Variants in ABTB2 observed in about 807,000 individuals in gnomAD.
ABTB2 encodes the protein ankyrin repeat and BTB domain containing 2, also known as ankyrin repeat and BTB/POZ domain-containing protein 2.
A neutral mutation model predicts 104.1 loss-of-function variants in ABTB2; 56 were observed. The ratio of observed to expected loss-of-function variants is 0.54; its 90% CI spans 0.43 to 0.67. The LOEUF is 0.67. ABTB2 is among the 30% of genes least tolerant of loss of function. The probability of loss-of-function intolerance (pLI) is 0.00; values close to 1 mark genes in which losing one functional copy is unlikely to be tolerated. For missense variants in ABTB2, 1,279 were observed against 1,407.7 expected, an observed-to-expected ratio of 0.91 and a Z score of 1.46; for synonymous variants, 606 against 608.2, an observed-to-expected ratio of 1.00 and a Z score of 0.05.
At chr11:34,174,408 G>T (rs946203405) in intron 3 of ABTB2, among the ~76,000 whole-genome samples, 1 of 152,116 alleles carries the variant, frequency 6.6e-6, no homozygotes, top group African/African-American at 2.4e-5. Context: ...TAGCGGGTCC[G>T]AGTATCACTA....
chr11:34,253,691 A>T (rs537081896), intron 1 of ABTB2, among the ~76,000 whole-genome samples: 113 of 117,794 alleles, frequency 9.6e-4, no homozygotes, highest in South Asian at 6.0e-3. Context: ...AAAAAAAAAA[A>T]TTTTTTTTTC....
chr11:34,294,720 T>A lies in ABTB2; in HGVS notation c.883+61981A>T, dbSNP rs1223780050. 6.4e-3 allele frequency among the ~76,000 whole-genome samples: 834 copies of A among 129,650 alleles called. 12 individuals carry two copies. The highest frequency in any genetic ancestry group is 0.033 in the African/African-American group (752 of 23,104). 85.1% of individuals were successfully genotyped at this position (129,650 alleles called of 152,430 possible). ...GCCCTCGTGTCTCTACAAAAACAATTTTTTTTTTTTTTTGAGACCGAGTCT... is the reference window on the plus strand; with the variant it reads ...GCCCTCGTGTCTCTACAAAAACAATATTTTTTTTTTTTTGAGACCGAGTCT... On this transcript the variant is annotated intron_variant, in intron 1 of 16. Transcript: ENST00000435224.
chr11:34,287,749 T>G (rs934691053), intron 1 of ABTB2, among the ~76,000 whole-genome samples: 1 of 152,210 alleles, frequency 6.6e-6, no homozygotes, highest in African/African-American at 2.4e-5. Context: ...CTATTTTACC[T>G]TGGAGAGGCC....
At chr11:34,272,722 A>AAAAAC (rs1565156096) in intron 1 of ABTB2, among the ~76,000 whole-genome samples, 2 of 150,310 alleles carry the variant, frequency 1.3e-5, no homozygotes, top group African/African-American at 4.9e-5. Flanking sequence ...AAAAAAAAAA[A>AAAAAC]AAAAAAAAAC....
chr11:34,329,847 T>C (rs1284130628), intron 1 of ABTB2, among the ~76,000 whole-genome samples: 1 of 152,262 alleles, frequency 6.6e-6, no homozygotes, highest in Non-Finnish European at 1.5e-5. Flanking sequence ...ACTGTGTCTG[T>C]AGCCTGCAGA....
intron 2 of ABTB2, among the ~76,000 whole-genome samples, chr11:34,204,302 G>A (rs1853378882): frequency 6.6e-6 from 1 of 152,196 alleles, no homozygotes; most frequent in African/African-American, 2.4e-5. Context: ...GGTCACTGCT[G>A]TGCAGGAATG....
At chr11:34,231,959 T>C (rs997892465) in intron 1 of ABTB2, among the ~76,000 whole-genome samples, 15 of 152,144 alleles carry the variant, frequency 9.9e-5, no homozygotes, top group African/African-American at 3.4e-4. Context: ...AAGAAAGTCT[T>C]GTCACAGCCA....
intron 1 of ABTB2, among the ~76,000 whole-genome samples, chr11:34,325,152 A>G (rs1172508191): frequency 6.6e-6 from 1 of 152,156 alleles, no homozygotes; most frequent in Non-Finnish European, 1.5e-5. Flanking sequence ...GAGCTCTGAT[A>G]TTATGTGCAT....
chr11:34,297,778 A>AT (rs1564926708), intron 1 of ABTB2, among the ~76,000 whole-genome samples: 9 of 82,550 alleles, frequency 1.1e-4, no homozygotes, highest in African/African-American at 1.8e-4. Context: ...AAAAAAAAAA[A>AT]AAAAAATAAA....
intron 1 of ABTB2, among the ~76,000 whole-genome samples, chr11:34,272,716 A>C (rs1170161183): frequency 6.7e-6 from 1 of 149,510 alleles, no homozygotes. Flanking sequence ...CAAAAAAAAA[A>C]AAAAAAAAAA....
intron 1 of ABTB2, among the ~76,000 whole-genome samples, chr11:34,320,164 C>A (rs1854983808): frequency 6.6e-6 from 1 of 152,216 alleles, no homozygotes; most frequent in Non-Finnish European, 1.5e-5. Context: ...TTATTCTTAA[C>A]ACACAGCTCA....
chr11:34,279,809 A>G (rs1332464938), intron 1 of ABTB2, among the ~76,000 whole-genome samples: 2 of 109,404 alleles, frequency 1.8e-5, no homozygotes, highest in African/African-American at 3.8e-5. Flanking sequence ...TTTTTTTGAG[A>G]TGGAGTTTTG....
chr11:34,226,420 A>G (rs982345426), intron 1 of ABTB2, among the ~76,000 whole-genome samples: 1 of 152,146 alleles, frequency 6.6e-6, no homozygotes, highest in Admixed American at 6.5e-5. Flanking sequence ...TGCCTCCTTA[A>G]GGAGCAATGA....
rs776957139 is a variant in ABTB2 at position 34,173,143 on chromosome 11, C to T, written c.1397+12G>A. On this transcript the variant is annotated intron_variant, in intron 4 of 16. Transcript: ENST00000435224. ...ATGGATGCCGGGGCCCTCCCTCCTC[C>T]CTGGTTCATACTTGAGCTGCCGAGG... The T allele has an allele frequency of 1.2e-6, 2 of 1,613,660 alleles. No individual in the cohort carries two copies. The highest frequency in any genetic ancestry group is 1.7e-6 in the Non-Finnish European group (2 of 1,179,916).
intron 1 of ABTB2, among the ~76,000 whole-genome samples, chr11:34,246,754 C>A (rs1406070407): frequency 1.3e-5 from 2 of 151,768 alleles, no homozygotes; most frequent in Non-Finnish European, 2.9e-5. Context: ...AAAGTTCATA[C>A]CTACACAAAT....
At chr11:34,155,716 CAGG>C (rs1335053293) in intron 14 of ABTB2, among the ~76,000 whole-genome samples, 1 of 152,130 alleles carries the variant, frequency 6.6e-6, no homozygotes, top group African/African-American at 2.4e-5. Context: ...GTTCAGGCAT[CAGG>C]AGATGTTGGC....
rs1436434905 is a variant in ABTB2, at chr11:34,151,059, T to TTAAAG, written c.*1323_*1327dup. 2.8e-4 allele frequency: 43 copies of TTAAAG among 152,836 alleles called. No homozygotes were observed. The highest frequency in any genetic ancestry group is 1.0e-3 in the African/African-American group (42 of 41,598). The allele number at this position is 152,836 out of a possible 1,614,324, so 9.5% of individuals were successfully genotyped here. ...AGTAAGTGACAACATTATTGTACAG[T>TTAAAG]TAAAGTATCATACAATATTACAGCA... On this transcript the variant is annotated 3_prime_UTR_variant, in exon 17 of 17. Coordinates refer to ENST00000435224, the MANE Select transcript of ABTB2 (RefSeq NM_145804.3).
At chr11:34,177,077 A>G (rs957261793) in intron 3 of ABTB2, among the ~76,000 whole-genome samples, 1 of 152,218 alleles carries the variant, frequency 6.6e-6, no homozygotes, top group Non-Finnish European at 1.5e-5. Context: ...AAGTGTAAAC[A>G]AAAAGATAAT....
At chr11:34,218,247 T>A (rs1201741245) in intron 1 of ABTB2, among the ~76,000 whole-genome samples, 1 of 152,212 alleles carries the variant, frequency 6.6e-6, no homozygotes. Flanking sequence ...GTGGCTTGTC[T>A]TTTCACTCTC....
Sources: gnomAD v4.1 joint callset for allele counts (sites outside exome capture counted in the v4.1 genomes callset) on GRCh38, gnomAD v4.1.1 for gene constraint, MANE v1.5 for transcripts, NCBI Gene and HGNC (gene_info 2026-07-23, HGNC 2026-07-21) for gene names.